U2SURP: variants seen among roughly 807,000 people sequenced by gnomAD.
U2SURP encodes U2 snRNP associated SURP domain containing.
In U2SURP, 9 loss-of-function variants were observed where a neutral mutation model predicts 144.9. That is an observed-to-expected ratio of 0.06 (90% CI 0.04 to 0.11). The LOEUF (loss-of-function observed/expected upper bound fraction) is 0.11, where lower values mean the gene tolerates loss of function less well. Ranked by LOEUF, U2SURP falls within the 10% of genes least tolerant of loss-of-function variation. The probability of loss-of-function intolerance (pLI) is 1.00; values close to 1 mark genes in which losing one functional copy is unlikely to be tolerated. For missense variants in U2SURP, 724 were observed against 1,226.7 expected, an observed-to-expected ratio of 0.59 and a Z score of 6.12; for synonymous variants, 408 against 396.8, an observed-to-expected ratio of 1.03 and a Z score of -0.33.
chr3:143,024,731 A>T (rs1933030615), intron 13 of U2SURP, among the ~76,000 whole-genome samples: 1 of 152,178 alleles, frequency 6.6e-6, no homozygotes, highest in Non-Finnish European at 1.5e-5. Context: ...TCTCTTTGAC[A>T]TTGGCCTTGG....
chr3:143,055,205 C>CTT, intron 27 of U2SURP, 86 bp downstream of exon 27: 1 of 1,091,618 alleles, frequency 9.2e-7, no homozygotes, highest in Non-Finnish European at 1.3e-6. Context: ...GGTTGGCATA[C>CTT]ATTTTTTTTT....
intron 18 of U2SURP, among the ~76,000 whole-genome samples, chr3:143,034,355 G>A (rs965893724): frequency 6.6e-6 from 1 of 151,948 alleles, no homozygotes; most frequent in Admixed American, 6.5e-5. Flanking sequence ...AGTGAGCCGA[G>A]ATGGCACCAT....
intron 1 of U2SURP, among the ~76,000 whole-genome samples, chr3:143,007,162 C>T (rs1483805576): frequency 2.6e-5 from 4 of 152,170 alleles, no homozygotes; most frequent in Non-Finnish European, 5.9e-5. Context: ...TGCTGTCCCT[C>T]CCCACATTTC....
chr3:143,033,250 T>C (rs1235236247), intron 17 of U2SURP, 21 bp from the exon 18 acceptor site: 1 of 1,401,218 alleles, frequency 7.1e-7, no homozygotes, highest in Admixed American at 2.0e-5. Flanking sequence ...ACCTATTTTG[T>C]GTTATCTTTT....
chr3:143,035,781 G>A (rs1933777905), intron 19 of U2SURP, among the ~76,000 whole-genome samples: 1 of 151,886 alleles, frequency 6.6e-6, no homozygotes. Flanking sequence ...TTTATTTTTA[G>A]GGGTTTTTTT....
intron 25 of U2SURP, among the ~76,000 whole-genome samples, chr3:143,051,602 C>CAAAAAAAA (rs3041537): frequency 3.3e-5 from 3 of 90,608 alleles, no homozygotes; most frequent in East Asian, 3.3e-4. Context: ...ACTGTCGTTG[C>CAAAAAAAA]AAAAAAAAAA....
In U2SURP at chr3:143,020,670, A is replaced by G. The variant is rs1323666299; in HGVS notation, c.710A>G (p.Asp237Gly). The G allele has an allele frequency of 3.1e-6, 5 of 1,613,058 alleles. No individual in the cohort carries two copies. Among genetic ancestry groups the G allele is most frequent in the Non-Finnish European group, 4.2e-6 (5 of 1,179,526 alleles). The part of the protein sequence containing the change: ...RLSRFEPPQS[D>G]SDGQRRSMDA... The stretch of plus-strand genomic sequence containing the variant: ...AGTCGATTTGAACCTCCTCAGTCAG[A>G]TTCTGATGGTCAGCGTCGTTCTAGT... Residue 237 changes from aspartate (D) to glycine (G), a missense_variant, in exon 8 of 28, where the codon GAT becomes GGT. Around this residue, in one of 13 missense-constraint regions of U2SURP, gnomAD observed 115 missense variants for 258.1 expected, o/e 0.45. Coordinates refer to ENST00000473835, the MANE Select transcript of U2SURP (RefSeq NM_001080415.2).
intron 24 of U2SURP, 146 bp downstream of exon 24, chr3:143,043,422 G>A (rs970808767): frequency 1.3e-6 from 1 of 799,670 alleles, no homozygotes. Flanking sequence ...TTTTCTTCAG[G>A]CCTCTTAGTT....
At chr3:143,026,978 C>T (rs1339303098) in intron 13 of U2SURP, 171 bp from the exon 14 acceptor site, 2 of 547,816 alleles carry the variant, frequency 3.7e-6, no homozygotes, top group Non-Finnish European at 6.5e-6. Flanking sequence ...GCCCCACACC[C>T]TCTTAATGCA....
intron 24 of U2SURP, among the ~76,000 whole-genome samples, chr3:143,050,151 G>A (rs536262489): frequency 2.0e-5 from 3 of 151,914 alleles, no homozygotes; most frequent in Non-Finnish European, 4.4e-5. Context: ...TCGGCTCACC[G>A]CAACCTCCGC....
At chr3:143,033,423 TTTTGTTAACATC>T in intron 18 of U2SURP, 73 bp downstream of exon 18, 1 of 809,976 alleles carries the variant, frequency 1.2e-6, no homozygotes. Context: ...AAGAGGATTG[TTTTGTTAACATC>T]CTGCAAGAAT....
chr3:143,010,182 C>T (rs1366689474), intron 1 of U2SURP, among the ~76,000 whole-genome samples: 1 of 152,146 alleles, frequency 6.6e-6, no homozygotes, highest in Non-Finnish European at 1.5e-5. Flanking sequence ...AGGTAGATCA[C>T]TTAAGAAAAG....
rs370918978 is a variant in U2SURP at position 143,032,314 on chromosome 3, G to A, written c.1611-470G>A. Among the ~76,000 whole-genome samples, 19 of 152,184 alleles carry A rather than the reference G, an allele frequency of 1.2e-4. No homozygotes were observed. In the East Asian group the frequency reaches 1.7e-3, roughly 14 times the overall value. Reference sequence around the variant, plus strand: ...TCTTGATCTCTTGACCTTGTGATCCGCCTACCTTGGCCTCCCAGAGTGCTG... The same window carrying A: ...TCTTGATCTCTTGACCTTGTGATCCACCTACCTTGGCCTCCCAGAGTGCTG... On this transcript the variant is annotated intron_variant, in intron 16 of 27. Coordinates refer to ENST00000473835, the MANE Select transcript of U2SURP (RefSeq NM_001080415.2).
chr3:143,023,214 C>T (rs1422618430), intron 12 of U2SURP, 150 bp downstream of exon 12: 1 of 617,380 alleles, frequency 1.6e-6, no homozygotes, highest in African/African-American at 1.9e-5. Context: ...CTGCCTTAGC[C>T]CATGGAAACC....
chr3:143,004,581 C>A lies in U2SURP; in HGVS notation c.45+2908C>A, dbSNP rs998526872. ...GGCCTCTTGACCTTGTGACCCCCCCCCCCCGCCTCGGCCTCCCAAAGTGCG... is the reference window on the plus strand; with the variant it reads ...GGCCTCTTGACCTTGTGACCCCCCCACCCCGCCTCGGCCTCCCAAAGTGCG... On this transcript the variant is annotated intron_variant, in intron 1 of 27. Transcript: ENST00000473835. Among the ~76,000 whole-genome samples, 252 of 129,928 alleles carry A rather than the reference C, an allele frequency of 1.9e-3. 46 individuals carry two copies. The highest frequency in any genetic ancestry group is 7.4e-3 in the African/African-American group (241 of 32,766). 85.2% of individuals were successfully genotyped at this position (129,928 alleles called of 152,430 possible).
chr3:143,034,142 G>A (rs1260334409), intron 18 of U2SURP, among the ~76,000 whole-genome samples: 3 of 152,132 alleles, frequency 2.0e-5, no homozygotes, highest in African/African-American at 7.2e-5. Flanking sequence ...AGTGGCTCAC[G>A]CCTGTAATCT....
rs1451416499 is a variant in U2SURP at position 143,032,806 on chromosome 3, A to G, written c.1633A>G (p.Ile545Val). The change falls in exon 17 of 28, where the codon ATC becomes GTC. Residue 545 changes from isoleucine to valine, a missense_variant. Around this residue, in one of 13 missense-constraint regions of U2SURP, gnomAD observed 66 missense variants for 95.0 expected, o/e 0.69. Coordinates refer to ENST00000473835, the MANE Select transcript of U2SURP (RefSeq NM_001080415.2). Reference sequence around the variant, plus strand: ...CAGACAGAGGGATAAATTGGAAGAAATCTTGCGGGGATTAACTCCAAGGAA... The same window carrying G: ...CAGACAGAGGGATAAATTGGAAGAAGTCTTGCGGGGATTAACTCCAAGGAA... The part of the protein sequence containing the change: ...KEEQRDKLEE[I>V]LRGLTPRKND... The G allele has an allele frequency of 6.2e-7, 1 of 1,613,140 alleles. No homozygotes were observed. Among genetic ancestry groups the G allele is most frequent in the South Asian group, 1.1e-5 (1 of 90,818 alleles).
At chr3:143,013,309 A>G (rs1018241011) in intron 3 of U2SURP, among the ~76,000 whole-genome samples, 2 of 152,068 alleles carry the variant, frequency 1.3e-5, no homozygotes, top group East Asian at 1.9e-4. Context: ...TTTTCTTTCT[A>G]TTTTGAGAAA....
At chr3:143,027,030 A>T in intron 13 of U2SURP, 119 bp from the exon 14 acceptor site, 1 of 759,186 alleles carries the variant, frequency 1.3e-6, no homozygotes, top group Non-Finnish European at 2.2e-6. Context: ...TTTGGTATTA[A>T]ATTCGGTGTT....
Sources: gnomAD v4.1 joint callset for allele counts (sites outside exome capture counted in the v4.1 genomes callset) on GRCh38, gnomAD v4.1.1 for gene constraint, gnomAD v4.1.1 regional missense constraint, MANE v1.5 for transcripts, NCBI Gene and HGNC (gene_info 2026-07-23, HGNC 2026-07-21) for gene names.